Variants in KYNU observed in about 807,000 individuals in gnomAD.
KYNU encodes the protein L-kynurenine hydrolase.
KYNU carries 54 observed loss-of-function variants against 59.2 expected under a neutral mutation model. That is an observed-to-expected ratio of 0.91 (90% CI 0.73 to 1.14). KYNU has a LOEUF of 1.14. Among genes scored for constraint, KYNU ranks in the 50% most tolerant of loss-of-function variants. The pLI is 0.00. For synonymous variants in KYNU, 177 were observed against 192.0 expected (o/e 0.92, Z 0.65); for missense variants, 567 against 554.4 (o/e 1.02, Z -0.23).
chr2:142,884,187 CTGTT>C (rs1681409031), intron 1 of KYNU, among the ~76,000 whole-genome samples: 3 of 152,168 alleles, frequency 2.0e-5, no homozygotes, highest in Admixed American at 6.5e-5. Flanking sequence ...TCACACAATC[CTGTT>C]TGTTCTAAGA....
At chr2:143,041,590 T>G (rs182119589) in intron 13 of KYNU, among the ~76,000 whole-genome samples, 6 of 152,124 alleles carry the variant, frequency 3.9e-5, no homozygotes, top group African/African-American at 1.4e-4. Flanking sequence ...CTGGTGCTAC[T>G]TCAGGACCTA....
At chr2:143,019,347 A>T (rs1189504267) in intron 10 of KYNU, among the ~76,000 whole-genome samples, 5 of 152,144 alleles carry the variant, frequency 3.3e-5, no homozygotes, top group African/African-American at 1.2e-4. Flanking sequence ...TTATGAAGGT[A>T]TGTTGAATTT....
At chr2:143,019,461 C>G (rs1250930491) in intron 10 of KYNU, among the ~76,000 whole-genome samples, 2 of 152,064 alleles carry the variant, frequency 1.3e-5, no homozygotes, top group African/African-American at 2.4e-5. Context: ...GTTGATGGCT[C>G]AAGCATGTTG....
At chr2:142,922,798 A>G (rs374766743) in intron 3 of KYNU, among the ~76,000 whole-genome samples, 1 of 152,226 alleles carries the variant, frequency 6.6e-6, no homozygotes. Flanking sequence ...GAATAGAGGT[A>G]CAACTAGAAA....
chr2:143,015,029 G>A (rs961138749), intron 10 of KYNU, among the ~76,000 whole-genome samples: 8 of 152,124 alleles, frequency 5.3e-5, no homozygotes, highest in Non-Finnish European at 8.8e-5. Context: ...AAGTAGGTGG[G>A]ACTAAAGGTG....
rs888807227 is a variant in KYNU at position 142,985,872 on chromosome 2, A to T, written c.829-76A>T. On this transcript the variant is annotated intron_variant, in intron 9 of 13. Coordinates refer to ENST00000264170, the MANE Select transcript of KYNU (RefSeq NM_003937.3). ...TCAAATGTTGTGGTTTCAATTAAAA[A>T]ATTCAAATGACTACATTGTTTAGTT... 39 of 982,382 alleles carry T rather than the reference A, an allele frequency of 4.0e-5. No individual in the cohort carries two copies. In the East Asian group the frequency reaches 9.9e-4, roughly 25 times the overall value. The allele number at this position is 982,382 out of a possible 1,614,324, so 60.9% of individuals were successfully genotyped here.
rs183803194 is a variant in KYNU at position 142,964,498 on chromosome 2, C to T, written c.729+3728C>T. ...TTCTAAGTAGTTTGCAGTGGTAATG[C>T]GTGGCAGTTTTATTTTGCAGTTCCC... is the stretch of plus-strand genomic sequence containing the variant. On this transcript the variant is annotated intron_variant, in intron 8 of 13. Transcript: ENST00000264170. Among the ~76,000 whole-genome samples, 33 of 152,238 alleles carry T rather than the reference C, an allele frequency of 2.2e-4. No individual in the cohort carries two copies. In the East Asian group the frequency reaches 2.7e-3, roughly 12 times the overall value.
chr2:142,954,943 C>A, intron 5 of KYNU, 72 bp downstream of exon 5: 1 of 974,178 alleles, frequency 1.0e-6, no homozygotes, highest in Non-Finnish European at 1.7e-6. Context: ...ATCTTTAATT[C>A]ATGAGCTTCT....
intron 10 of KYNU, among the ~76,000 whole-genome samples, chr2:143,017,510 C>T (rs1323757869): frequency 8.8e-5 from 11 of 125,458 alleles, no homozygotes; most frequent in African/African-American, 3.3e-4. Flanking sequence ...GGTGCAATCT[C>T]AGCTCACTGC....
At chr2:142,970,574 A>C (rs1185437609) in intron 8 of KYNU, among the ~76,000 whole-genome samples, 1 of 152,124 alleles carries the variant, frequency 6.6e-6, no homozygotes, top group East Asian at 1.9e-4. Context: ...CCACTTTATA[A>C]TAAGACTAGT....
chr2:142,953,866 C>G (rs527270935), intron 4 of KYNU, among the ~76,000 whole-genome samples: 1 of 152,090 alleles, frequency 6.6e-6, no homozygotes. Context: ...ATGGCTTCTC[C>G]CCTCTAGTGA....
chr2:143,042,172 G>A lies in KYNU; in HGVS notation c.1398G>A (p.Ter466=), dbSNP rs1484654815. 2.5e-6 allele frequency: 4 copies of A among 1,608,290 alleles called. No individual in the cohort carries two copies. In the Admixed American group the frequency reaches 5.0e-5, roughly 20 times the overall value. The change falls in exon 14 of 14, where the codon TAG becomes TAA. Residue 466 remains the stop codon, a stop_retained_variant. Transcript: ENST00000264170. ...TTGACTCTGCAGAAACAAAAAATTA[G>A]CAGTGTTTTCTAGAACAACTTAAGC... The part of the protein sequence containing the change: ...SILDSAETKN[*]
chr2:142,931,538 G>A (rs1263898215), intron 4 of KYNU, among the ~76,000 whole-genome samples: 2 of 152,176 alleles, frequency 1.3e-5, no homozygotes, highest in East Asian at 3.9e-4. Flanking sequence ...TCTGGATTAA[G>A]GAGGGGAGGT....
chr2:142,954,245 ATTATC>A (rs1684089928), intron 4 of KYNU, among the ~76,000 whole-genome samples: 1 of 152,004 alleles, frequency 6.6e-6, no homozygotes, highest in African/African-American at 2.4e-5. Context: ...ACACGTCTAT[ATTATC>A]TTTTATCTCA....
intron 10 of KYNU, among the ~76,000 whole-genome samples, chr2:143,026,982 G>GC (rs1443888242): frequency 2.6e-5 from 4 of 152,306 alleles, no homozygotes; most frequent in African/African-American, 9.6e-5. Context: ...ACAGGATGGG[G>GC]CGGGGTGGGG....
intron 10 of KYNU, among the ~76,000 whole-genome samples, chr2:142,992,333 A>G (rs1161225275): frequency 6.6e-6 from 1 of 151,970 alleles, no homozygotes; most frequent in East Asian, 1.9e-4. Flanking sequence ...GAGAAAGTTA[A>G]GTATACTATA....
At position 143,043,749 on chromosome 2, in the gene KYNU, TTA is replaced by T. The variant is rs1246973453; in HGVS notation, c.*1585_*1586del. 1 of 143,122 alleles carries T rather than the reference TTA, an allele frequency of 7.0e-6. No individual in the cohort carries two copies. The highest frequency in any genetic ancestry group is 2.5e-5 in the African/African-American group (1 of 39,514). 8.9% of individuals were successfully genotyped at this position (143,122 alleles called of 1,614,324 possible). A position where few individuals can be genotyped will look rare whatever the true frequency, so the allele number is the denominator to read the frequency against. On this transcript the variant is annotated 3_prime_UTR_variant, in exon 14 of 14. Coordinates refer to ENST00000264170, the MANE Select transcript of KYNU (RefSeq NM_003937.3). ...AAAAATATATATAAATATATATACT[TTA>T]TATATATTTATATTTATATATTTAT...
intron 1 of KYNU, among the ~76,000 whole-genome samples, chr2:142,883,270 T>C (rs1681370026): frequency 7.3e-6 from 1 of 137,014 alleles, no homozygotes; most frequent in African/African-American, 2.7e-5. Flanking sequence ...CTCGGCTCAC[T>C]GCAGGCTCCA....
chr2:143,041,474 T>C (rs1277409188), intron 13 of KYNU, among the ~76,000 whole-genome samples: 1 of 152,020 alleles, frequency 6.6e-6, no homozygotes, highest in East Asian at 1.9e-4. Context: ...AGAGTTGTGA[T>C]TGGATTGAAA....
Sources: gnomAD v4.1 joint callset for allele counts (sites outside exome capture counted in the v4.1 genomes callset) on GRCh38, gnomAD v4.1.1 for gene constraint, MANE v1.5 for transcripts, NCBI Gene and HGNC (gene_info 2026-07-23, HGNC 2026-07-21) for gene names.